Variants in SH3PXD2B observed in about 807,000 individuals in gnomAD.
SH3PXD2B encodes the protein SH3 and PX domains 2B.
A neutral mutation model predicts 73.1 loss-of-function variants in SH3PXD2B; 37 were observed. That is an observed-to-expected ratio of 0.51 (90% CI 0.39 to 0.67). The LOEUF is 0.67. Among genes scored for constraint, SH3PXD2B ranks in the 30% least tolerant of loss-of-function variants. SH3PXD2B has a pLI of 0.00. For missense variants in SH3PXD2B, 1,053 were observed against 1,197.8 expected, an observed-to-expected ratio of 0.88 and a Z score of 1.78; for synonymous variants, 457 against 480.5, an observed-to-expected ratio of 0.95 and a Z score of 0.64.
chr5:172,429,544 A>G (rs1759183026), intron 1 of SH3PXD2B, among the ~76,000 whole-genome samples: 1 of 151,654 alleles, frequency 6.6e-6, no homozygotes, highest in Non-Finnish European at 1.5e-5. Flanking sequence ...TTGCAAACCC[A>G]GTTTCACCAG....
chr5:172,352,523 G>C (rs1235041852), intron 9 of SH3PXD2B, among the ~76,000 whole-genome samples: 1 of 152,184 alleles, frequency 6.6e-6, no homozygotes, highest in Non-Finnish European at 1.5e-5. Flanking sequence ...ACCGTGCCAG[G>C]CCCATGCCTG....
At position 172,377,402 on chromosome 5, in the gene SH3PXD2B, C is replaced by T. The variant is rs75193280; in HGVS notation, c.402-3587G>A. Among the ~76,000 whole-genome samples the T allele has an allele frequency of 7.0e-3, 1,061 of 152,314 alleles. 11 individuals are homozygous for T. Among genetic ancestry groups the T allele is most frequent in the African/African-American group, 0.024 (999 of 41,574 alleles). On this transcript the variant is annotated intron_variant, in intron 5 of 12. Transcript: ENST00000311601. ...CATCCCTAAACCAACAACCAGGACC[C>T]AGCTGAGACTGCCTGCTGTGGCCCC... is the stretch of plus-strand genomic sequence containing the variant.
chr5:172,377,714 C>T (rs1208449390), intron 5 of SH3PXD2B, among the ~76,000 whole-genome samples: 3 of 152,140 alleles, frequency 2.0e-5, no homozygotes, highest in Admixed American at 2.0e-4. Flanking sequence ...GCTCTCAGAA[C>T]CAGATACATA....
intron 12 of SH3PXD2B, among the ~76,000 whole-genome samples, chr5:172,345,837 T>C (rs1271794894): frequency 1.3e-5 from 2 of 152,070 alleles, no homozygotes; most frequent in Non-Finnish European, 2.9e-5. Context: ...AGAAAGTGGA[T>C]TGGTGGCTGC....
At chr5:172,356,096 G>A (rs995176024) in intron 8 of SH3PXD2B, among the ~76,000 whole-genome samples, 4 of 152,100 alleles carry the variant, frequency 2.6e-5, no homozygotes, top group Admixed American at 1.3e-4. Flanking sequence ...TGCAACTCCC[G>A]CCCACCGTGA....
intron 4 of SH3PXD2B, among the ~76,000 whole-genome samples, chr5:172,386,642 TG>T (rs1441471030): frequency 6.6e-6 from 1 of 152,160 alleles, no homozygotes; most frequent in East Asian, 1.9e-4. Flanking sequence ...TTTGTTTGCT[TG>T]TTTTTGAGAC....
chr5:172,419,770 C>T (rs1277994260), intron 2 of SH3PXD2B, among the ~76,000 whole-genome samples: 1 of 152,102 alleles, frequency 6.6e-6, no homozygotes, highest in Non-Finnish European at 1.5e-5. Context: ...GTAAATAATT[C>T]CTGGGATAAC....
At position 172,345,122 on chromosome 5, in the gene SH3PXD2B, G is replaced by A. The variant is rs1164797112; in HGVS notation, c.1188+1014C>T. ...GGAGGGAAGGAAGAAGGGAAGGAAGGAGGGAAGGAAGGAATGAAGGCGTGC... is the reference window on the plus strand; with the variant it reads ...GGAGGGAAGGAAGAAGGGAAGGAAGAAGGGAAGGAAGGAATGAAGGCGTGC... On this transcript the variant is annotated intron_variant, in intron 12 of 12. Coordinates refer to ENST00000311601, the MANE Select transcript of SH3PXD2B (RefSeq NM_001017995.3). Among the ~76,000 whole-genome samples, 5 of 145,842 alleles carry A rather than the reference G, an allele frequency of 3.4e-5. No individual in the cohort carries two copies. In the South Asian group the frequency reaches 6.4e-4, roughly 19 times the overall value.
intron 12 of SH3PXD2B, among the ~76,000 whole-genome samples, chr5:172,345,142 G>A (rs1282878410): frequency 6.8e-6 from 1 of 147,654 alleles, no homozygotes; most frequent in African/African-American, 2.6e-5. Context: ...AGGAATGAAG[G>A]CGTGCAGGCA....
At chr5:172,340,006 C>T in intron 12 of SH3PXD2B, 90 bp from the exon 13 acceptor site, 3 of 1,573,408 alleles carry the variant, frequency 1.9e-6, no homozygotes, top group South Asian at 2.3e-5. Flanking sequence ...AACTGGAGCT[C>T]TAGAAGCTGT....
Position 172,373,834 on chromosome 5 carries a change from G to A in SH3PXD2B, c.402-19C>T. 1.9e-6 allele frequency: 3 copies of A among 1,613,870 alleles called. No homozygotes were observed. The highest frequency in any genetic ancestry group is 2.5e-6 in the Non-Finnish European group (3 of 1,179,818). On this transcript the variant is annotated intron_variant, in intron 5 of 12. Coordinates refer to ENST00000311601, the MANE Select transcript of SH3PXD2B (RefSeq NM_001017995.3). Reference sequence around the variant, plus strand: ...GTGCTCCCTGTACAGGAAAGAAAGGGGGTGGGAAGAGTAACGAGTCAGTAC... The same window carrying A: ...GTGCTCCCTGTACAGGAAAGAAAGGAGGTGGGAAGAGTAACGAGTCAGTAC...
intron 5 of SH3PXD2B, among the ~76,000 whole-genome samples, chr5:172,374,370 C>G (rs901248284): frequency 6.6e-6 from 1 of 152,280 alleles, no homozygotes; most frequent in South Asian, 2.1e-4. Context: ...CGTCGTCACC[C>G]GTGTCAGAGT....
At chr5:172,431,712 C>T (rs1203517211) in intron 1 of SH3PXD2B, among the ~76,000 whole-genome samples, 1 of 152,108 alleles carries the variant, frequency 6.6e-6, no homozygotes, top group Non-Finnish European at 1.5e-5. Context: ...ACAGCTGATG[C>T]TCATTGTTTG....
At chr5:172,346,050 G>A (rs1581263601) in intron 12 of SH3PXD2B, 86 bp downstream of exon 12, 2 of 1,599,196 alleles carry the variant, frequency 1.3e-6, no homozygotes, top group East Asian at 2.2e-5. Context: ...CCCACCCAGT[G>A]AAGTAGGAGG....
chr5:172,357,432 AAAAG>A (rs1410101340), intron 8 of SH3PXD2B, among the ~76,000 whole-genome samples: 7 of 152,102 alleles, frequency 4.6e-5, no homozygotes, highest in South Asian at 4.1e-4. Context: ...TCAAAAAAAA[AAAAG>A]AAAGTACTAC....
intron 1 of SH3PXD2B, among the ~76,000 whole-genome samples, chr5:172,424,033 C>A (rs1469190425): frequency 6.6e-6 from 1 of 151,098 alleles, no homozygotes; most frequent in East Asian, 1.9e-4. Context: ...CTGGGGGCTA[C>A]CCATCCTCAC....
intron 2 of SH3PXD2B, among the ~76,000 whole-genome samples, chr5:172,410,242 C>T (rs142229544): frequency 0.011 from 1,607 of 152,330 alleles, 39 homozygotes; most frequent in African/African-American, 0.037. Context: ...GGTGGCTATA[C>T]TAGTTTACGT....
chr5:172,349,466 A>G (rs759835668), intron 10 of SH3PXD2B, among the ~76,000 whole-genome samples: 2 of 152,216 alleles, frequency 1.3e-5, no homozygotes, highest in Non-Finnish European at 2.9e-5. Flanking sequence ...TGTTGGGAAC[A>G]TTAAATGGTA....
intron 1 of SH3PXD2B, among the ~76,000 whole-genome samples, chr5:172,448,966 A>C (rs1344509408): frequency 6.6e-6 from 1 of 152,206 alleles, no homozygotes; most frequent in African/African-American, 2.4e-5. Flanking sequence ...GTTCTAGACC[A>C]TTGGGCTCAC....
Sources: allele counts gnomAD v4.1 joint callset (sites outside exome capture counted in the v4.1 genomes callset), GRCh38; gene constraint gnomAD v4.1.1; transcripts MANE v1.5; gene names NCBI Gene and HGNC (gene_info 2026-07-23, HGNC 2026-07-21).